The following LY96 variants were observed in gnomAD, a reference collection of about 807,000 sequenced individuals.
LY96 encodes myeloid differentiation protein-2.
In LY96, 18 loss-of-function variants were observed where a neutral mutation model predicts 18.9. That is an observed-to-expected ratio of 0.95 (90% CI 0.66 to 1.41). LY96 has a LOEUF of 1.41. Among genes scored for constraint, LY96 ranks in the 40% most tolerant of loss-of-function variants. The pLI is 0.00. For missense variants in LY96, 175 were observed against 182.4 expected (o/e 0.96, Z 0.23); for synonymous variants, 66 against 62.6 (o/e 1.06, Z -0.26).
At chr8:74,015,990 G>A (rs1028373089) in intron 3 of LY96, among the ~76,000 whole-genome samples, 2 of 152,190 alleles carry the variant, frequency 1.3e-5, no homozygotes, top group Non-Finnish European at 2.9e-5. Flanking sequence ...GAGGTACCTG[G>A]TTCATCTCAC....
intron 1 of LY96, among the ~76,000 whole-genome samples, chr8:73,992,340 T>C (rs1205813723): frequency 6.6e-6 from 1 of 152,088 alleles, no homozygotes; most frequent in Admixed American, 6.5e-5. Context: ...TTCCACCCAC[T>C]AGCAATAGCT....
chr8:74,014,944 T>C (rs1466224266), intron 3 of LY96, among the ~76,000 whole-genome samples: 2 of 152,108 alleles, frequency 1.3e-5, no homozygotes, highest in Admixed American at 6.6e-5. Flanking sequence ...CGGTAGCTCA[T>C]GCCTGCAATC....
At chr8:74,023,536 C>T (rs1392776976) in intron 3 of LY96, among the ~76,000 whole-genome samples, 2 of 152,152 alleles carry the variant, frequency 1.3e-5, no homozygotes, top group African/African-American at 4.8e-5. Context: ...CGCTGACAGG[C>T]AACTCTCAGG....
chr8:74,087,330 G>A, the LY96 span, among the ~76,000 whole-genome samples: 5 of 152,288 alleles, frequency 3.3e-5, no homozygotes, highest in East Asian at 1.9e-4. Context: ...GGAGCCTGCC[G>A]TTCTATATTT....
chr8:74,036,297 T>C, the LY96 span, among the ~76,000 whole-genome samples: 1 of 152,184 alleles, frequency 6.6e-6, no homozygotes, highest in Non-Finnish European at 1.5e-5. Context: ...TGCTAAAAGA[T>C]AGATGTAGTT....
chr8:74,081,880 C>T, the LY96 span, among the ~76,000 whole-genome samples: 1 of 152,146 alleles, frequency 6.6e-6, no homozygotes, highest in Non-Finnish European at 1.5e-5. Flanking sequence ...TTTCAAACTC[C>T]TGACCTCATG....
chr8:74,030,501 T>G (rs1816952334), downstream of LY96, among the ~76,000 whole-genome samples: 1 of 152,142 alleles, frequency 6.6e-6, no homozygotes, highest in Non-Finnish European at 1.5e-5. Context: ...GACAGAAGTG[T>G]TTTTGGTGAA....
At chr8:74,032,754 C>A (rs1168159467), downstream of LY96, among the ~76,000 whole-genome samples, 3 of 152,134 alleles carry the variant, frequency 2.0e-5, no homozygotes, top group Non-Finnish European at 4.4e-5. Context: ...ATTTTAAATG[C>A]TACAGAATGA....
chr8:74,030,381 C>A (rs1244843728), downstream of LY96, among the ~76,000 whole-genome samples: 1 of 152,142 alleles, frequency 6.6e-6, no homozygotes, highest in Non-Finnish European at 1.5e-5. Flanking sequence ...GGCCTGGTGG[C>A]ATGCGCCTGT....
At chr8:74,087,129 A>G in the LY96 span, among the ~76,000 whole-genome samples, 71 of 152,326 alleles carry the variant, frequency 4.7e-4, no homozygotes, top group Middle Eastern at 6.8e-3. Flanking sequence ...CTGAAATCCT[A>G]CAAAACTGGA....
At chr8:74,015,213 A>T (rs1370258801) in intron 3 of LY96, among the ~76,000 whole-genome samples, 1 of 152,164 alleles carries the variant, frequency 6.6e-6, no homozygotes, top group African/African-American at 2.4e-5. Context: ...TTTAAAAAAA[A>T]ATTCATAAGC....
intron 4 of LY96, 55 bp from the exon 5 acceptor site, chr8:74,028,901 G>A: frequency 9.4e-7 from 1 of 1,063,450 alleles, no homozygotes. Flanking sequence ...CAAAGCCTCT[G>A]AAATAGTAGC....
chr8:74,046,711 A>G, the LY96 span, among the ~76,000 whole-genome samples: 6 of 152,200 alleles, frequency 3.9e-5, no homozygotes, highest in Admixed American at 2.6e-4. Flanking sequence ...AACAAAGGCT[A>G]TGCTTAAATA....
chr8:74,077,446 G>T, the LY96 span, among the ~76,000 whole-genome samples: 1 of 152,160 alleles, frequency 6.6e-6, no homozygotes, highest in Non-Finnish European at 1.5e-5. Context: ...GTAAGATACC[G>T]TCCTTTGTGA....
chr8:73,995,834 G>A (rs1261933245), intron 1 of LY96, among the ~76,000 whole-genome samples: 1 of 152,170 alleles, frequency 6.6e-6, no homozygotes, highest in Non-Finnish European at 1.5e-5. Context: ...AGGAACTGAG[G>A]AGATAAGTGA....
At chr8:74,047,937 G>A in the LY96 span, among the ~76,000 whole-genome samples, 49 of 151,944 alleles carry the variant, frequency 3.2e-4, 1 homozygote, top group South Asian at 0.01. Context: ...GTCTCCCCAG[G>A]CTGGAGTGCA....
downstream of LY96, among the ~76,000 whole-genome samples, chr8:74,031,586 C>G (rs138381831): frequency 0.021 from 3,148 of 148,926 alleles, 122 homozygotes; most frequent in Admixed American, 0.078. Context: ...GAGCCGAGAT[C>G]GTGCCACTAC....
chr8:74,057,037 A>G, the LY96 span, among the ~76,000 whole-genome samples: 1 of 152,236 alleles, frequency 6.6e-6, no homozygotes, highest in Non-Finnish European at 1.5e-5. Flanking sequence ...ATTTGCCCCA[A>G]GCACAGACTC....
At chr8:73,992,536 A>G (rs1816024944) in intron 1 of LY96, among the ~76,000 whole-genome samples, 1 of 152,186 alleles carries the variant, frequency 6.6e-6, no homozygotes. Flanking sequence ...TTTGTGTTTT[A>G]GTCTGGAGTG....
Sources: gnomAD v4.1 joint callset for allele counts (sites outside exome capture counted in the v4.1 genomes callset) on GRCh38, gnomAD v4.1.1 for gene constraint, MANE v1.5 for transcripts, NCBI Gene and HGNC (gene_info 2026-07-23, HGNC 2026-07-21) for gene names.